The following TNRC6C variants were observed in gnomAD, a reference collection of about 807,000 sequenced individuals.
The protein encoded by TNRC6C is trinucleotide repeat containing adaptor 6C.
Under a neutral mutation model 153.7 loss-of-function variants are expected in TNRC6C, and 20 were observed. The observed-to-expected ratio is 0.13, with a 90% confidence interval of 0.09 to 0.19. TNRC6C has a LOEUF of 0.19. Among genes scored for constraint, TNRC6C ranks in the 10% least tolerant of loss-of-function variants. TNRC6C has a pLI of 1.00. For missense variants in TNRC6C, 1,987 were observed against 2,172.0 expected (o/e 0.91, Z 1.69); for synonymous variants, 811 against 841.4 (o/e 0.96, Z 0.63).
At chr17:77,984,596 A>C (rs1234251473) in intron 1 of TNRC6C, among the ~76,000 whole-genome samples, 2 of 152,228 alleles carry the variant, frequency 1.3e-5, no homozygotes, top group African/African-American at 2.4e-5. Context: ...GCAGGCTGGC[A>C]TAGGAGAGCC....
chr17:78,104,384 G>A lies in TNRC6C; in HGVS notation c.4713-101G>A, dbSNP rs951465874. ...AGTGGCAAAACAGAAGCCACAGGAT[G>A]GCTTCCATGTGGGGCCGTTCCCAAT... On this transcript the variant is annotated intron_variant, in intron 19 of 19. Coordinates refer to ENST00000301624, the Ensembl canonical transcript of TNRC6C. The surrounding 1 kb of genome is among the most constrained non-coding windows in gnomAD (Gnocchi z 6.2). 1.2e-5 allele frequency: 17 copies of A among 1,392,314 alleles called. No individual in the cohort carries two copies. Among genetic ancestry groups the A allele is most frequent in the Non-Finnish European group, 1.5e-5 (16 of 1,069,642 alleles). The allele number at this position is 1,392,314 out of a possible 1,614,324, so 86.2% of individuals were successfully genotyped here. A position where few individuals can be genotyped will look rare whatever the true frequency, so the allele number is the denominator to read the frequency against.
intron 1 of TNRC6C, among the ~76,000 whole-genome samples, chr17:77,968,787 G>A (rs976211246): frequency 7.2e-5 from 11 of 152,196 alleles, no homozygotes; most frequent in Admixed American, 5.2e-4. Context: ...ATTAGTGAAC[G>A]TGAGTTTAAA....
At chr17:78,055,167 A>G (rs2072627849) in intron 3 of TNRC6C, among the ~76,000 whole-genome samples, 1 of 152,170 alleles carries the variant, frequency 6.6e-6, no homozygotes, top group Admixed American at 6.5e-5. Flanking sequence ...TAAAACACAC[A>G]TTGTACAGCT....
At chr17:77,964,247 C>T (rs916995353) in intron 1 of TNRC6C, among the ~76,000 whole-genome samples, 7 of 152,210 alleles carry the variant, frequency 4.6e-5, no homozygotes, top group Non-Finnish European at 8.8e-5. Flanking sequence ...TTTTCTTCTT[C>T]AGACCATTTT....
At chr17:77,999,859 G>A (rs1472173978), upstream of TNRC6C, among the ~76,000 whole-genome samples, 3 of 152,182 alleles carry the variant, frequency 2.0e-5, no homozygotes, top group East Asian at 5.8e-4. Flanking sequence ...AGACTCTAAA[G>A]CCAGTCTGCT....
At chr17:78,103,299 A>G in intron 18 of TNRC6C, 115 bp from the exon 22 acceptor site, 2 of 1,288,834 alleles carry the variant, frequency 1.6e-6, no homozygotes, top group Non-Finnish European at 2.1e-6. Context: ...AGGCCTTTTA[A>G]AGAAAAACAT....
chr17:78,080,300 GC>G (rs1244659141), intron 10 of TNRC6C, among the ~76,000 whole-genome samples: 2 of 152,182 alleles, frequency 1.3e-5, no homozygotes, highest in African/African-American at 4.8e-5. Flanking sequence ...TACAAAATTA[GC>G]CAGGTGTGGT....
intron 1 of TNRC6C, among the ~76,000 whole-genome samples, chr17:78,027,530 A>G (rs1287128524): frequency 1.3e-5 from 2 of 152,182 alleles, no homozygotes; most frequent in Non-Finnish European, 2.9e-5. Flanking sequence ...AAAGCAAGGA[A>G]TTGATCCAAG....
At chr17:78,014,516 T>G (rs1052068978) in intron 1 of TNRC6C, among the ~76,000 whole-genome samples, 1 of 151,928 alleles carries the variant, frequency 6.6e-6, no homozygotes, top group African/African-American at 2.4e-5. Flanking sequence ...GTACATTTTC[T>G]TACAGCAGGA....
chr17:78,057,140 TGTTAA>T (rs146986449), intron 3 of TNRC6C, among the ~76,000 whole-genome samples: 9,841 of 152,222 alleles, frequency 0.065, 347 homozygotes, highest in Middle Eastern at 0.097. Context: ...GCTGAAAGTA[TGTTAA>T]GTTTAGTATA....
exon 20 of TNRC6C, chr17:78,107,160 G>T (rs370565699): frequency 6.6e-6 from 1 of 152,184 alleles, no homozygotes; most frequent in African/African-American, 2.4e-5. Context: ...CCGTGCTGCC[G>T]GCGAGCATTG....
chr17:78,067,334 CT>C (rs1291894840), intron 4 of TNRC6C, among the ~76,000 whole-genome samples: 2 of 152,028 alleles, frequency 1.3e-5, no homozygotes, highest in Admixed American at 6.5e-5. Flanking sequence ...GAGCAAGACC[CT>C]GTTTCAAAAA....
chr17:78,039,118 C>A (rs576403022), intron 2 of TNRC6C, among the ~76,000 whole-genome samples: 1 of 152,178 alleles, frequency 6.6e-6, no homozygotes, highest in Non-Finnish European at 1.5e-5. Context: ...TGGAACGTGT[C>A]GAGAGGCAGT....
intron 1 of TNRC6C, among the ~76,000 whole-genome samples, chr17:78,028,022 A>G (rs528461335): frequency 2.0e-5 from 3 of 151,130 alleles, no homozygotes; most frequent in Non-Finnish European, 4.4e-5. Flanking sequence ...CAGCCTCCCG[A>G]GTAGCTGGGA....
intron 2 of TNRC6C, among the ~76,000 whole-genome samples, chr17:78,048,291 T>C (rs2072449787): frequency 6.6e-6 from 1 of 152,214 alleles, no homozygotes; most frequent in Non-Finnish European, 1.5e-5. Context: ...TTGTCTCATA[T>C]GTCTTTTCTC....
chr17:78,102,776 C>G, intron 18 of TNRC6C: 1 of 514,948 alleles, frequency 1.9e-6, no homozygotes, highest in South Asian at 2.6e-5. Flanking sequence ...TTGTTTGTTT[C>G]CCCACCAGAG....
chr17:78,106,640 A>G (rs1314819158), exon 20 of TNRC6C: 1 of 152,026 alleles, frequency 6.6e-6, no homozygotes, highest in Non-Finnish European at 1.5e-5. Flanking sequence ...TTTACCAAAT[A>G]ATGGACTCAA....
rs9909267 is a variant in TNRC6C, at chr17:77,986,286, A to G, written c.-37-17884A>G. ...CAAAATTAGCCAGGCATGGTGGCAC[A>G]TGCCTGTAATCCCAGCCATTTGGGA... On this transcript the variant is annotated intron_variant, in intron 1 of 22. Transcript: ENST00000636222. 8.5e-3 allele frequency among the ~76,000 whole-genome samples: 1,299 copies of G among 152,174 alleles called. 19 individuals are homozygous for G. Among genetic ancestry groups the G allele is most frequent in the African/African-American group, 0.029 (1,200 of 41,528 alleles).
At chr17:77,979,817 C>T (rs1399547293) in intron 1 of TNRC6C, among the ~76,000 whole-genome samples, 1 of 151,870 alleles carries the variant, frequency 6.6e-6, no homozygotes, top group Admixed American at 6.6e-5. Flanking sequence ...TAAAATCAGC[C>T]AAAGGAGGAA....
Sources: gnomAD v4.1 joint callset for allele counts (sites outside exome capture counted in the v4.1 genomes callset) on GRCh38, gnomAD v4.1.1 for gene constraint, Gnocchi (gnomAD v3.1) non-coding constraint, MANE v1.5 for transcripts, NCBI Gene and HGNC (gene_info 2026-07-23, HGNC 2026-07-21) for gene names.